The following FRMPD4 variants were observed in gnomAD, a reference collection of about 807,000 sequenced individuals.
FRMPD4 encodes FERM and PDZ domain-containing protein 4.
FRMPD4 carries 22 observed loss-of-function variants against 94.1 expected under a neutral mutation model. The ratio of observed to expected loss-of-function variants is 0.23; its 90% confidence interval spans 0.17 to 0.33. The LOEUF (loss-of-function observed/expected upper bound fraction) is 0.33. Ranked by LOEUF, FRMPD4 falls within the 10% of genes least tolerant of loss-of-function variation. The pLI, the probability that FRMPD4 is intolerant of heterozygous loss-of-function variation, is 1.00. For missense variants in FRMPD4, 1,111 were observed against 1,339.9 expected (o/e 0.83, Z 2.67); for synonymous variants, 631 against 548.6 (o/e 1.15, Z -2.10).
chrX:12,308,180 T>G (rs753782327), intron 1 of FRMPD4, among the ~76,000 whole-genome samples: 8 of 111,820 alleles, frequency 7.2e-5, no homozygotes, highest in Non-Finnish European at 1.5e-4. Flanking sequence ...CACAATCCTC[T>G]GGCATCTCAT....
At chrX:11,828,498 C>T (rs1235139662) in intron 1 of FRMPD4, among the ~76,000 whole-genome samples, 19 of 111,710 alleles carry the variant, frequency 1.7e-4, no homozygotes, top group Non-Finnish European at 3.8e-5. Context: ...GGCTTATTGA[C>T]CAGGCATCAC....
intron 1 of FRMPD4, among the ~76,000 whole-genome samples, chrX:12,227,536 C>T (rs1199992926): frequency 1.8e-5 from 2 of 111,678 alleles, no homozygotes; most frequent in Admixed American, 9.5e-5. Context: ...TGTGGTGGCT[C>T]ACCTCAGTAA....
intron 1 of FRMPD4, among the ~76,000 whole-genome samples, chrX:12,195,175 C>A (rs1367076823): frequency 9.0e-6 from 1 of 111,658 alleles, no homozygotes; most frequent in Admixed American, 9.5e-5. Context: ...TTAACCGCAC[C>A]TCTCGCCAAC....
At chrX:12,067,530 G>C (rs1241807311) in intron 3 of FRMPD4, among the ~76,000 whole-genome samples, 1 of 110,051 alleles carries the variant, frequency 9.1e-6, no homozygotes, top group African/African-American at 3.3e-5. Context: ...TGATTCTCCT[G>C]CCTCAGCCTC....
intron 1 of FRMPD4, among the ~76,000 whole-genome samples, chrX:12,477,930 C>T (rs181234870): frequency 3.6e-5 from 4 of 111,752 alleles, no homozygotes; most frequent in African/African-American, 1.3e-4. Flanking sequence ...TTTGGATTCC[C>T]AGAATTCTAA....
chrX:11,999,051 A>G (rs1270676602), intron 3 of FRMPD4, among the ~76,000 whole-genome samples: 3 of 111,889 alleles, frequency 2.7e-5, no homozygotes, highest in African/African-American at 9.7e-5. Context: ...GGATAATTTT[A>G]TGTGTCTATG....
rs965893660 is a variant in FRMPD4 at position 12,723,820 on chromosome X, G to A, written c.*1962G>A. The A allele has an allele frequency of 2.7e-5, 3 of 111,288 alleles. No homozygotes were observed. The highest frequency in any genetic ancestry group is 5.7e-5 in the Non-Finnish European group (3 of 53,066). 9.2% of individuals were successfully genotyped at this position (111,288 alleles called of 1,213,427 possible). On this transcript the variant is annotated 3_prime_UTR_variant, in exon 17 of 17. Transcript: ENST00000675598. ...TCAGAAACATCTTGATTAAAATTTT[G>A]ACTCTGCCATTTTCTAGCCCTTTTA...
Position 12,717,055 on chromosome X carries a change from G to A in FRMPD4, c.2596G>A (p.Asp866Asn), listed in dbSNP as rs2042102838. The stretch of plus-strand genomic sequence containing the variant: ...CGAAGGCAAGTGTGAGAAGGGACTG[G>A]ATAATGCCGTCGTCTCCACGCTGGG... The part of the protein sequence containing the change: ...SAEGKCEKGL[D>N]NAVVSTLGAL... Residue 866 changes from aspartate (D) to asparagine (N), a missense_variant, in exon 15 of 17, where the codon GAT (aspartate) becomes AAT (asparagine). Around this residue, in one of 8 missense-constraint regions of FRMPD4, gnomAD observed 74 missense variants for 93.9 expected, o/e 0.79. Transcript: ENST00000675598. 1 of 1,208,073 alleles carries A rather than the reference G, an allele frequency of 8.3e-7. No homozygotes were observed. Among genetic ancestry groups the A allele is most frequent in the Admixed American group, 2.2e-5 (1 of 45,943 alleles).
intron 5 of FRMPD4, among the ~76,000 whole-genome samples, chrX:12,681,694 G>GAC (rs1394042583): frequency 1.1e-4 from 10 of 88,600 alleles, no homozygotes; most frequent in African/African-American, 4.7e-4. Context: ...CTCCATCCAG[G>GAC]ATACACACAC....
chrX:11,863,106 G>C (rs1187650044), intron 1 of FRMPD4, among the ~76,000 whole-genome samples: 3 of 107,135 alleles, frequency 2.8e-5, no homozygotes, highest in Non-Finnish European at 5.8e-5. Flanking sequence ...GTGACATGTT[G>C]GTGTGCTGCA....
At chrX:12,007,149 C>T (rs1157331082) in intron 3 of FRMPD4, among the ~76,000 whole-genome samples, 2 of 111,566 alleles carry the variant, frequency 1.8e-5, no homozygotes, top group Non-Finnish European at 3.8e-5. Flanking sequence ...ACTGGAAACA[C>T]CCATTCTTGG....
At chrX:12,689,725 A>G (rs923430483) in intron 7 of FRMPD4, among the ~76,000 whole-genome samples, 3 of 112,803 alleles carry the variant, frequency 2.7e-5, no homozygotes, top group African/African-American at 9.7e-5. Context: ...AATGGGTATG[A>G]CCACGTCCCA....
At chrX:11,871,155 A>T (rs1339188857) in intron 2 of FRMPD4, among the ~76,000 whole-genome samples, 1 of 112,526 alleles carries the variant, frequency 8.9e-6, no homozygotes, top group East Asian at 2.8e-4. Flanking sequence ...TTGAAGAAAG[A>T]TACCCTAGCA....
chrX:12,059,866 G>A (rs1445448196), intron 3 of FRMPD4, among the ~76,000 whole-genome samples: 3 of 102,410 alleles, frequency 2.9e-5, no homozygotes, highest in African/African-American at 1.1e-4. Context: ...CCATTGATGG[G>A]CACTTAAGTT....
chrX:12,057,763 A>G (rs2054862889), intron 3 of FRMPD4, among the ~76,000 whole-genome samples: 1 of 111,595 alleles, frequency 9.0e-6, no homozygotes, highest in Non-Finnish European at 1.9e-5. Flanking sequence ...CTCAGACTGT[A>G]TTATACTTCA....
intron 3 of FRMPD4, among the ~76,000 whole-genome samples, chrX:12,031,689 G>C (rs950002016): frequency 8.9e-6 from 1 of 111,761 alleles, no homozygotes; most frequent in African/African-American, 3.3e-5. Context: ...CACAACAAGG[G>C]GCTGGTCTGG....
intron 1 of FRMPD4, among the ~76,000 whole-genome samples, chrX:12,155,670 G>C (rs1273667853): frequency 1.8e-5 from 2 of 108,223 alleles, no homozygotes; most frequent in Non-Finnish European, 3.8e-5. Flanking sequence ...TTTTTTGAGA[G>C]GGTGGAGAAT....
rs1453312941 is a variant in FRMPD4, at chrX:12,717,844, G to A, written c.3018G>A (p.Ser1006=). The A allele has an allele frequency of 1.7e-6, 2 of 1,209,968 alleles. No individual in the cohort carries two copies. The highest frequency in any genetic ancestry group is 2.3e-4 in the Middle Eastern group (1 of 4,349). The change falls in exon 16 of 17, where the codon TCG becomes TCA. Residue 1006 remains serine (S), a synonymous_variant. Transcript: ENST00000675598. ...AGCCTGAAACTATGGAGACTAAGTC[G>A]GTCACTGACTATTTTAGCAAACTGC... The part of the protein sequence containing the change: ...EMEPETMETK[S]VTDYFSKLHM...
chrX:12,150,836 G>A (rs2055839571), intron 1 of FRMPD4, among the ~76,000 whole-genome samples: 1 of 111,227 alleles, frequency 9.0e-6, no homozygotes. Context: ...GTTAAGTATT[G>A]TAAAATACTT....
Sources: allele counts gnomAD v4.1 joint callset (sites outside exome capture counted in the v4.1 genomes callset), GRCh38; gene constraint gnomAD v4.1.1; regional missense constraint gnomAD v4.1.1; transcripts MANE v1.5; gene names NCBI Gene and HGNC (gene_info 2026-07-23, HGNC 2026-07-21).